The following RBFOX1 variants were observed in gnomAD, a reference collection of about 807,000 sequenced individuals.
RBFOX1 encodes RNA binding fox-1 homolog 1, also known as RNA binding protein fox-1 homolog 1.
RBFOX1 carries 8 observed loss-of-function variants against 57.7 expected under a neutral mutation model. The ratio of observed to expected loss-of-function variants is 0.14; its 90% CI spans 0.08 to 0.25. The LOEUF is 0.25. Among genes scored for constraint, RBFOX1 ranks in the 10% least tolerant of loss-of-function variants. The pLI is 1.00. For synonymous variants in RBFOX1, 326 were observed against 222.4 expected, an observed-to-expected ratio of 1.47 and a Z score of -4.15; for missense variants, 611 against 548.5, an observed-to-expected ratio of 1.11 and a Z score of -1.14.
At chr16:7,696,424 T>G (rs1415172956) in intron 14 of RBFOX1, among the ~76,000 whole-genome samples, 3 of 152,146 alleles carry the variant, frequency 2.0e-5, no homozygotes, top group Non-Finnish European at 4.4e-5. Flanking sequence ...ACGGGAGGTC[T>G]CCGTCTGTGA....
chr16:7,239,528 G>A lies in RBFOX1; in HGVS notation c.27+187430G>A, dbSNP rs141582511. Among the ~76,000 whole-genome samples the A allele has an allele frequency of 4.9e-3, 739 of 152,090 alleles. 4 individuals carry two copies. Among genetic ancestry groups the A allele is most frequent in the Non-Finnish European group, 8.2e-3 (558 of 67,974 alleles). Reference sequence around the variant, plus strand: ...AAATAAATAAATAAAAATTGGAATCGGCTGGGATGATACCTCAACAAGTGA... The same window carrying A: ...AAATAAATAAATAAAAATTGGAATCAGCTGGGATGATACCTCAACAAGTGA... On this transcript the variant is annotated intron_variant, in intron 4 of 15. Coordinates refer to ENST00000550418, the MANE Select transcript of RBFOX1 (RefSeq NM_018723.4).
At chr16:5,775,501 A>G (rs1223371534) in intron 3 of RBFOX1, among the ~76,000 whole-genome samples, 2 of 152,228 alleles carry the variant, frequency 1.3e-5, no homozygotes, top group African/African-American at 2.4e-5. Context: ...TGTCCCTTCT[A>G]TCACAAATGA....
At chr16:7,106,065 T>C (rs2063535320) in intron 4 of RBFOX1, among the ~76,000 whole-genome samples, 2 of 152,192 alleles carry the variant, frequency 1.3e-5, no homozygotes, top group Non-Finnish European at 2.9e-5. Flanking sequence ...TATTTAAAAC[T>C]ATTCAGTACC....
At chr16:7,410,087 T>C (rs577735176) in intron 4 of RBFOX1, among the ~76,000 whole-genome samples, 1 of 152,334 alleles carries the variant, frequency 6.6e-6, no homozygotes, top group South Asian at 2.1e-4. Flanking sequence ...ATGATGATAG[T>C]AGTAGATTGA....
At chr16:5,556,055 A>G (rs1043529177) in intron 2 of RBFOX1, among the ~76,000 whole-genome samples, 1 of 151,900 alleles carries the variant, frequency 6.6e-6, no homozygotes, top group Non-Finnish European at 1.5e-5. Flanking sequence ...AAAGACAAAC[A>G]ACGACACCAA....
chr16:6,197,781 C>T (rs2097190032), intron 1 of RBFOX1, among the ~76,000 whole-genome samples: 6 of 151,862 alleles, frequency 4.0e-5, no homozygotes, highest in Admixed American at 3.9e-4. Flanking sequence ...TTTTTCTGCT[C>T]CTCTCCCTCC....
intron 2 of RBFOX1, among the ~76,000 whole-genome samples, chr16:5,585,300 A>C (rs961888481): frequency 6.6e-6 from 1 of 152,078 alleles, no homozygotes; most frequent in East Asian, 1.9e-4. Context: ...TGTTTAGCAT[A>C]ATGTTTTCAA....
At chr16:5,248,050 T>G (rs1365889327) in intron 1 of RBFOX1, among the ~76,000 whole-genome samples, 1 of 152,212 alleles carries the variant, frequency 6.6e-6, no homozygotes, top group African/African-American at 2.4e-5. Context: ...AACATTTTCC[T>G]AAGATGGGTC....
chr16:6,049,178 C>T (rs1464836893), intron 1 of RBFOX1, among the ~76,000 whole-genome samples: 2 of 151,508 alleles, frequency 1.3e-5, no homozygotes, highest in Non-Finnish European at 2.9e-5. Context: ...ATTCTCCTGC[C>T]TCAGCCTCCC....
intron 2 of RBFOX1, among the ~76,000 whole-genome samples, chr16:6,505,098 AAAAT>A (rs2096056203): frequency 2.6e-5 from 4 of 152,142 alleles, no homozygotes; most frequent in African/African-American, 9.7e-5. Context: ...AAAAATTAGA[AAAAT>A]AAAGTCTACT....
intron 2 of RBFOX1, among the ~76,000 whole-genome samples, chr16:6,570,053 T>C (rs1356118269): frequency 6.6e-6 from 1 of 152,226 alleles, no homozygotes; most frequent in East Asian, 1.9e-4. Flanking sequence ...AGCATTTTGT[T>C]GTCATGCGCT....
At chr16:5,299,906 G>T (rs1319253377) in intron 1 of RBFOX1, among the ~76,000 whole-genome samples, 1 of 152,016 alleles carries the variant, frequency 6.6e-6, no homozygotes, top group African/African-American at 2.4e-5. Context: ...TGCTAAATAT[G>T]ATGTTAGCTG....
chr16:6,623,735 G>A (rs2098267492), intron 2 of RBFOX1, among the ~76,000 whole-genome samples: 1 of 152,022 alleles, frequency 6.6e-6, no homozygotes, highest in African/African-American at 2.4e-5. Flanking sequence ...GAGAATGATG[G>A]TTTCCAGCTT....
chr16:7,538,510 G>A (rs1048940660), intron 5 of RBFOX1, among the ~76,000 whole-genome samples: 1 of 152,116 alleles, frequency 6.6e-6, no homozygotes, highest in Non-Finnish European at 1.5e-5. Flanking sequence ...AGTGCTTACT[G>A]TGTAACTGGC....
chr16:7,306,869 C>A, intron 4 of RBFOX1, among the ~76,000 whole-genome samples: 1 of 152,148 alleles, frequency 6.6e-6, no homozygotes, highest in South Asian at 2.1e-4. Context: ...TAAATCATAT[C>A]GATAAGTAAT....
intron 3 of RBFOX1, among the ~76,000 whole-genome samples, chr16:5,706,770 T>C (rs113288833): frequency 7.9e-5 from 12 of 152,246 alleles, no homozygotes; most frequent in African/African-American, 2.9e-4. Flanking sequence ...GGGGCACCCC[T>C]ATGAATTTGC....
At chr16:7,453,297 C>G (rs905231153) in intron 4 of RBFOX1, among the ~76,000 whole-genome samples, 1 of 151,808 alleles carries the variant, frequency 6.6e-6, no homozygotes, top group Non-Finnish European at 1.5e-5. Flanking sequence ...GTATGAAGAT[C>G]CTGTGGTAGG....
At chr16:5,743,030 C>G (rs575047767) in intron 3 of RBFOX1, among the ~76,000 whole-genome samples, 1 of 152,142 alleles carries the variant, frequency 6.6e-6, no homozygotes, top group Non-Finnish European at 1.5e-5. Context: ...GGATTAACTC[C>G]GCTTACTATT....
chr16:5,331,922 A>G (rs572844624), intron 1 of RBFOX1, among the ~76,000 whole-genome samples: 1 of 152,350 alleles, frequency 6.6e-6, no homozygotes, highest in Non-Finnish European at 1.5e-5. Flanking sequence ...TTGACCCTTC[A>G]GGTGAGACCT....
Sources: allele counts gnomAD v4.1 joint callset (sites outside exome capture counted in the v4.1 genomes callset), GRCh38; gene constraint gnomAD v4.1.1; transcripts MANE v1.5; gene names NCBI Gene and HGNC (gene_info 2026-07-23, HGNC 2026-07-21).